Variants in NOTO observed in about 807,000 individuals in gnomAD.
The protein encoded by NOTO is notochord homeobox, also known as homeobox protein notochord.
A neutral mutation model predicts 20.5 loss-of-function variants in NOTO; 19 were observed. The observed-to-expected ratio is 0.93, with a 90% confidence interval of 0.65 to 1.36. The LOEUF (loss-of-function observed/expected upper bound fraction) is 1.36. Among genes scored for constraint, NOTO ranks in the 40% most tolerant of loss-of-function variants. The probability of loss-of-function intolerance (pLI) is 0.00; values close to 1 mark genes in which losing one functional copy is unlikely to be tolerated. For missense variants in NOTO, 369 were observed against 336.2 expected (o/e 1.10, Z -0.76); for synonymous variants, 150 against 150.2 (o/e 1.00, Z 0.01).
Position 73,202,861 on chromosome 2 carries a change from C to A in NOTO, c.195C>A (p.Ala65=). ...LARPDPCAPA[A]SQPSGSACVH... ...GGCCCGACCCCTGCGCGCCGGCGGC[C>A]TCCCAGCCGTCGGGCTCCGCCTGCG... Residue 65 remains alanine, a synonymous_variant, in exon 1 of 3, where the codon GCC becomes GCA. Coordinates refer to ENST00000398468, the MANE Select transcript of NOTO (RefSeq NM_001134462.2). 6.5e-7 allele frequency: 1 copy of A among 1,526,746 alleles called. No homozygotes were observed. Among genetic ancestry groups the A allele is most frequent in the East Asian group, 2.5e-5 (1 of 39,456 alleles). The allele number at this position is 1,526,746 out of a possible 1,614,324, so 94.6% of individuals were successfully genotyped here.
intron 1 of NOTO, among the ~76,000 whole-genome samples, chr2:73,204,375 A>G (rs1686057326): frequency 6.6e-6 from 1 of 152,220 alleles, no homozygotes; most frequent in Admixed American, 6.5e-5. Flanking sequence ...TTTGGTTGCC[A>G]GGTTCATGTT....
intron 1 of NOTO, among the ~76,000 whole-genome samples, chr2:73,206,855 C>G (rs1016755035): frequency 3.5e-5 from 5 of 141,710 alleles, no homozygotes; most frequent in African/African-American, 1.1e-4. Flanking sequence ...AATACAGTGG[C>G]ACAACCTTGG....
chr2:73,202,753 GCCCAGGTCC>G lies in NOTO; in HGVS notation c.90_98del (p.Arg31_Pro33del). On this transcript the variant is annotated inframe_deletion, in exon 1 of 3. Transcript: ENST00000398468. ...CTCCGCGCTCTGGCCGCTCTCCGGC[GCCCAGGTCC>G]CCTACTGGCCCGAACACGCCCCGCG... 1.3e-6 allele frequency: 2 copies of G among 1,519,668 alleles called. No homozygotes were observed. The highest frequency in any genetic ancestry group is 1.8e-6 in the Non-Finnish European group (2 of 1,139,726). 94.1% of individuals were successfully genotyped at this position (1,519,668 alleles called of 1,614,324 possible).
At position 73,205,784 on chromosome 2, in the gene NOTO, C is replaced by A. The variant is rs144110427; in HGVS notation, c.383-2616C>A. On this transcript the variant is annotated intron_variant, in intron 1 of 2. Coordinates refer to ENST00000398468, the MANE Select transcript of NOTO (RefSeq NM_001134462.2). ...CTGAGTAGCAGGGACCACAGGCATGCGCTACCATACTCAACTAATTTAAAA... is the reference window on the plus strand; with the variant it reads ...CTGAGTAGCAGGGACCACAGGCATGAGCTACCATACTCAACTAATTTAAAA... Among the ~76,000 whole-genome samples, 70 of 152,164 alleles carry A rather than the reference C, an allele frequency of 4.6e-4. 2 individuals carry two copies. In the East Asian group the frequency reaches 0.014, roughly 29 times the overall value.
intron 1 of NOTO, among the ~76,000 whole-genome samples, chr2:73,207,986 A>G (rs1686112619): frequency 6.6e-6 from 1 of 152,196 alleles, no homozygotes; most frequent in African/African-American, 2.4e-5. Flanking sequence ...CATGACACAC[A>G]GTAGACATTC....
Position 73,208,433 on chromosome 2 carries a change from C to T in NOTO, c.416C>T (p.Ala139Val). ...LELAHCSGLW[A>V]FPDWAPTEDL... The stretch of plus-strand genomic sequence containing the variant: ...CTGGCTCACTGCTCAGGACTCTGGG[C>T]CTTCCCAGACTGGGCCCCAACGGAG... The change falls in exon 2 of 3, where the codon GCC becomes GTC. Residue 139 changes from alanine to valine, a missense_variant. Coordinates refer to ENST00000398468, the MANE Select transcript of NOTO (RefSeq NM_001134462.2). 1 of 1,551,564 alleles carries T rather than the reference C, an allele frequency of 6.4e-7. No homozygotes were observed. Among genetic ancestry groups the T allele is most frequent in the African/African-American group, 1.4e-5 (1 of 73,160 alleles).
At position 73,211,060 on chromosome 2, in the gene NOTO, C is replaced by A; in HGVS notation, c.*131C>A. On this transcript the variant is annotated 3_prime_UTR_variant, in exon 3 of 3. Transcript: ENST00000398468. ...AGAATCTGAGCTGTCAAGCAGGGAC[C>A]CCCTTTTCTATACTGATTCCTGGAA... The A allele has an allele frequency of 2.9e-6, 2 of 681,322 alleles. No homozygotes were observed. The highest frequency in any genetic ancestry group is 4.8e-6 in the Non-Finnish European group (2 of 415,584). The allele number at this position is 681,322 out of a possible 1,614,324, so 42.2% of individuals were successfully genotyped here.
At chr2:73,203,911 T>C (rs1686046310) in intron 1 of NOTO, among the ~76,000 whole-genome samples, 1 of 94,330 alleles carries the variant, frequency 1.1e-5, no homozygotes, top group Non-Finnish European at 2.1e-5. Context: ...CCATCCTGGC[T>C]AACACGGTGA....
chr2:73,204,931 A>G (rs1440783411), intron 1 of NOTO, among the ~76,000 whole-genome samples: 1 of 134,966 alleles, frequency 7.4e-6, no homozygotes, highest in Non-Finnish European at 1.5e-5. Flanking sequence ...CTTAGGCTGG[A>G]GTGCAGTGGT....
intron 1 of NOTO, among the ~76,000 whole-genome samples, chr2:73,206,373 G>C (rs1196231400): frequency 6.6e-6 from 1 of 151,860 alleles, no homozygotes; most frequent in Non-Finnish European, 1.5e-5. Flanking sequence ...GTTGAGACGG[G>C]GTCTTACTCT....
chr2:73,206,570 C>G (rs1686091533), intron 1 of NOTO, among the ~76,000 whole-genome samples: 1 of 152,020 alleles, frequency 6.6e-6, no homozygotes, highest in East Asian at 1.9e-4. Context: ...AACTCCTGGG[C>G]TCAAGCGATG....
In NOTO at chr2:73,211,039, T is replaced by C; in HGVS notation, c.*110T>C. 1 of 857,468 alleles carries C rather than the reference T, an allele frequency of 1.2e-6. No homozygotes were observed. Among genetic ancestry groups the C allele is most frequent in the Non-Finnish European group, 1.8e-6 (1 of 566,518 alleles). 53.1% of individuals were successfully genotyped at this position (857,468 alleles called of 1,614,324 possible). On this transcript the variant is annotated 3_prime_UTR_variant, in exon 3 of 3. Transcript: ENST00000398468. ...CGAAAAGCCTCCTCAACCAGAAGAA[T>C]CTGAGCTGTCAAGCAGGGACCCCCT...
intron 1 of NOTO, among the ~76,000 whole-genome samples, chr2:73,206,787 CTTTTTTTTTT>C (rs969908382): frequency 4.4e-5 from 4 of 89,974 alleles, no homozygotes; most frequent in African/African-American, 1.4e-4. Context: ...CCAACTAGAG[CTTTTTTTTTT>C]TTTTTTTTTT....
intron 2 of NOTO, 66 bp downstream of exon 2, chr2:73,208,680 C>A: frequency 9.5e-7 from 1 of 1,050,778 alleles, no homozygotes; most frequent in Non-Finnish European, 1.4e-6. Context: ...CAGCAAGGCC[C>A]TAAAAGGAGG....
chr2:73,209,660 G>A (rs954503746), intron 2 of NOTO, among the ~76,000 whole-genome samples: 5 of 151,974 alleles, frequency 3.3e-5, no homozygotes, highest in African/African-American at 4.8e-5. Flanking sequence ...ATCTATTCCC[G>A]TGGCTTAAAA....
chr2:73,204,253 G>A (rs921224520), intron 1 of NOTO, among the ~76,000 whole-genome samples: 5 of 152,152 alleles, frequency 3.3e-5, no homozygotes, highest in Admixed American at 1.3e-4. Flanking sequence ...ACTCTAGCCT[G>A]GGCAACAGAG....
chr2:73,212,253 TC>T lies in NOTO; in HGVS notation c.*1327del. The T allele has an allele frequency of 6.6e-6, 1 of 152,320 alleles. No homozygotes were observed. 9.4% of individuals were successfully genotyped at this position (152,320 alleles called of 1,614,324 possible). ...TCAACCTCCTGGGCTCTAGTGATCC[TC>T]CCACCTTAGCCTCCTAAGCAGCTGG... On this transcript the variant is annotated 3_prime_UTR_variant, in exon 3 of 3. Transcript: ENST00000398468.
At chr2:73,204,974 G>A (rs1686070316) in intron 1 of NOTO, among the ~76,000 whole-genome samples, 1 of 148,974 alleles carries the variant, frequency 6.7e-6, no homozygotes, top group South Asian at 2.1e-4. Context: ...TCCGCCTCCC[G>A]GGTTCACGCC....
chr2:73,206,297 G>A (rs193039502), intron 1 of NOTO, among the ~76,000 whole-genome samples: 13 of 152,178 alleles, frequency 8.5e-5, no homozygotes, highest in African/African-American at 3.1e-4. Flanking sequence ...CTCTGTGCCT[G>A]GCACAGTGCT....
Sources: gnomAD v4.1 joint callset for allele counts (sites outside exome capture counted in the v4.1 genomes callset) on GRCh38, gnomAD v4.1.1 for gene constraint, MANE v1.5 for transcripts, NCBI Gene and HGNC (gene_info 2026-07-23, HGNC 2026-07-21) for gene names.